The following CSTPP1 variants were observed in gnomAD, a reference collection of about 807,000 sequenced individuals.
CSTPP1 encodes the protein UPF0705 protein C11orf49.
the CSTPP1 span, among the ~76,000 whole-genome samples, chr11:47,004,023 A>G: frequency 6.6e-6 from 1 of 151,514 alleles, no homozygotes; most frequent in Non-Finnish European, 1.5e-5. Flanking sequence ...CTTAAGCTCC[A>G]CTTTTCTGGG....
chr11:47,082,287 G>A, the CSTPP1 span, among the ~76,000 whole-genome samples: 1 of 151,498 alleles, frequency 6.6e-6, no homozygotes, highest in African/African-American at 2.4e-5. Flanking sequence ...TAAAAGAAAA[G>A]ATTGATATAT....
chr11:46,984,390 A>G, the CSTPP1 span, among the ~76,000 whole-genome samples: 4 of 152,236 alleles, frequency 2.6e-5, no homozygotes, highest in African/African-American at 7.2e-5. Flanking sequence ...ATGTGAAACA[A>G]TTAGTACAGT....
At chr11:47,007,752 T>A in the CSTPP1 span, among the ~76,000 whole-genome samples, 1 of 152,138 alleles carries the variant, frequency 6.6e-6, no homozygotes, top group Non-Finnish European at 1.5e-5. Flanking sequence ...AATGATGTTA[T>A]CTTTCTTCGG....
the CSTPP1 span, among the ~76,000 whole-genome samples, chr11:47,107,473 T>C: frequency 6.6e-6 from 1 of 152,206 alleles, no homozygotes; most frequent in Non-Finnish European, 1.5e-5. Flanking sequence ...GTCTAATTAT[T>C]TAATGTTCTT....
At chr11:47,107,860 C>CA in the CSTPP1 span, among the ~76,000 whole-genome samples, 2 of 152,118 alleles carry the variant, frequency 1.3e-5, no homozygotes, top group African/African-American at 2.4e-5. Flanking sequence ...ACAATTCCCC[C>CA]CCAGTTCCCT....
chr11:46,981,776 C>G, the CSTPP1 span, among the ~76,000 whole-genome samples: 1 of 151,990 alleles, frequency 6.6e-6, no homozygotes, highest in Non-Finnish European at 1.5e-5. Context: ...TTGCTATTAC[C>G]TACTTCGTTG....
chr11:47,077,221 C>T, the CSTPP1 span, among the ~76,000 whole-genome samples: 1 of 139,668 alleles, frequency 7.2e-6, no homozygotes, highest in African/African-American at 2.6e-5. Flanking sequence ...TCTTTTTAGA[C>T]AGAGTCTTGC....
chr11:47,164,365 TACAA>T, the CSTPP1 span: 15 of 1,197,548 alleles, frequency 1.3e-5, no homozygotes, highest in South Asian at 1.7e-5. Flanking sequence ...TTTGTTTCAA[TACAA>T]ACAGTCCAGA....
chr11:47,042,943 T>C, the CSTPP1 span, among the ~76,000 whole-genome samples: 2 of 152,206 alleles, frequency 1.3e-5, no homozygotes, highest in African/African-American at 2.4e-5. Context: ...ATTCATTTCA[T>C]ACACATGGTA....
At chr11:47,157,885 G>A in the CSTPP1 span, 2 of 1,614,080 alleles carry the variant, frequency 1.2e-6, no homozygotes, top group South Asian at 1.1e-5. Context: ...GATTCCTCAT[G>A]GCTCTCTCAA....
chr11:47,118,440 C>T, the CSTPP1 span, among the ~76,000 whole-genome samples: 5 of 152,138 alleles, frequency 3.3e-5, no homozygotes, highest in Admixed American at 1.3e-4. Context: ...AACCTTCTGA[C>T]GCCTACTTCT....
At chr11:47,098,310 AT>A in the CSTPP1 span, among the ~76,000 whole-genome samples, 65 of 149,552 alleles carry the variant, frequency 4.3e-4, no homozygotes, top group Non-Finnish European at 7.7e-4. Context: ...CAATAAAAAA[AT>A]AAATTTAAAA....
At chr11:47,013,755 G>C in the CSTPP1 span, among the ~76,000 whole-genome samples, 1 of 152,302 alleles carries the variant, frequency 6.6e-6, no homozygotes, top group South Asian at 2.1e-4. Context: ...TGTATACCCG[G>C]TAATGGGATT....
At chr11:47,000,461 G>C in the CSTPP1 span, among the ~76,000 whole-genome samples, 1 of 152,062 alleles carries the variant, frequency 6.6e-6, no homozygotes, top group African/African-American at 2.4e-5. Flanking sequence ...GGTCTTGGTT[G>C]GTGGGCCCAG....
the CSTPP1 span, among the ~76,000 whole-genome samples, chr11:47,018,156 C>T: frequency 1.3e-5 from 2 of 152,050 alleles, no homozygotes; most frequent in Admixed American, 1.3e-4. Flanking sequence ...TTGGGTTTCC[C>T]CCAATTGGCA....
At chr11:47,162,673 A>G in the CSTPP1 span, among the ~76,000 whole-genome samples, 2 of 152,148 alleles carry the variant, frequency 1.3e-5, no homozygotes, top group East Asian at 1.9e-4. Context: ...AGTGTCTTCA[A>G]CTTCTTTGGA....
chr11:46,967,059 TA>T, the CSTPP1 span, among the ~76,000 whole-genome samples: 6 of 152,178 alleles, frequency 3.9e-5, no homozygotes, highest in Admixed American at 3.9e-4. Flanking sequence ...AAAATTTTGA[TA>T]AAGTGTAACA....
At chr11:47,052,440 G>C in the CSTPP1 span, 1 of 1,613,900 alleles carries the variant, frequency 6.2e-7, no homozygotes, top group Non-Finnish European at 8.5e-7. Flanking sequence ...ATTCAGCTTC[G>C]TCCAAGCCAC....
the CSTPP1 span, among the ~76,000 whole-genome samples, chr11:47,009,572 G>A: frequency 1.3e-5 from 2 of 152,202 alleles, no homozygotes; most frequent in South Asian, 2.1e-4. Flanking sequence ...CAAGGCGGGA[G>A]CATCAGCTGG....
Sources: gnomAD v4.1 joint callset for allele counts (sites outside exome capture counted in the v4.1 genomes callset) on GRCh38, gnomAD v4.1.1 for gene constraint, MANE v1.5 for transcripts, NCBI Gene and HGNC (gene_info 2026-07-23, HGNC 2026-07-21) for gene names.